Variants in HIPK2 observed in about 807,000 individuals in gnomAD.
The protein encoded by HIPK2 is homeodomain interacting protein kinase 2.
Under a neutral mutation model 113.7 loss-of-function variants are expected in HIPK2, and 27 were observed. That is an observed-to-expected ratio of 0.24 (90% CI 0.17 to 0.33). The LOEUF (loss-of-function observed/expected upper bound fraction) is 0.33. Ranked by LOEUF, HIPK2 falls within the 10% of genes least tolerant of loss-of-function variation. The pLI, the probability that HIPK2 is intolerant of heterozygous loss-of-function variation, is 1.00. For missense variants in HIPK2, 1,257 were observed against 1,588.0 expected (o/e 0.79, Z 3.54); for synonymous variants, 631 against 642.2 (o/e 0.98, Z 0.26).
Position 139,631,809 on chromosome 7 carries a change from G to T in HIPK2, c.1104-84C>A. ...ATATGAATACTATCTTTCAAACCTGGGGTGCCATTACTGACTCCTCCTCTG... is the reference window on the plus strand; with the variant it reads ...ATATGAATACTATCTTTCAAACCTGTGGTGCCATTACTGACTCCTCCTCTG... On this transcript the variant is annotated intron_variant, in intron 2 of 14. Coordinates refer to ENST00000406875, the MANE Select transcript of HIPK2 (RefSeq NM_022740.5). The surrounding 1 kb of genome is among the most constrained non-coding windows in gnomAD (Gnocchi z 4.9). The T allele has an allele frequency of 2.7e-6, 4 of 1,478,042 alleles. No individual in the cohort carries two copies. The highest frequency in any genetic ancestry group is 2.5e-5 in the East Asian group (1 of 40,198). The allele number at this position is 1,478,042 out of a possible 1,614,324, so 91.6% of individuals were successfully genotyped here.
intron 13 of HIPK2, 150 bp from the exon 14 acceptor site, chr7:139,575,438 T>A (rs1357247604): frequency 1.6e-5 from 14 of 895,376 alleles, no homozygotes; most frequent in Middle Eastern, 4.9e-4. Flanking sequence ...CCGGACCCAC[T>A]AGGACTTTGC....
At chr7:139,595,094 G>A (rs1391058770) in intron 12 of HIPK2, among the ~76,000 whole-genome samples, 2 of 152,192 alleles carry the variant, frequency 1.3e-5, no homozygotes, top group Non-Finnish European at 2.9e-5. Flanking sequence ...CAGATGTTGA[G>A]AGTCTGTGTC....
At chr7:139,769,985 G>A (rs3891604) in intron 1 of HIPK2, among the ~76,000 whole-genome samples, 4,419 of 152,256 alleles carry the variant, frequency 0.029, 192 homozygotes, top group African/African-American at 0.1. Context: ...GGAAAAGGCC[G>A]AAAGCACGTG....
intron 2 of HIPK2, among the ~76,000 whole-genome samples, chr7:139,695,776 T>C (rs1173177388): frequency 6.6e-6 from 1 of 151,926 alleles, no homozygotes; most frequent in African/African-American, 2.4e-5. Context: ...GAAGCATGAC[T>C]CAGGGATGAA....
intron 1 of HIPK2, among the ~76,000 whole-genome samples, chr7:139,767,463 G>C (rs1403013167): frequency 6.6e-6 from 1 of 152,182 alleles, no homozygotes; most frequent in Non-Finnish European, 1.5e-5. Flanking sequence ...TCTGTGGGTA[G>C]ACAAGTGGGA....
chr7:139,750,884 G>T (rs1219573346), intron 1 of HIPK2, among the ~76,000 whole-genome samples: 1 of 152,192 alleles, frequency 6.6e-6, no homozygotes, highest in Non-Finnish European at 1.5e-5. Context: ...TTCTCTGACA[G>T]CAAGAATGAC....
intron 13 of HIPK2, among the ~76,000 whole-genome samples, chr7:139,576,680 A>G (rs1798503052): frequency 6.6e-6 from 1 of 152,262 alleles, no homozygotes; most frequent in African/African-American, 2.4e-5. Flanking sequence ...AGGAGGAGGC[A>G]TCACAGATCA....
chr7:139,706,692 G>A (rs1425582301), intron 2 of HIPK2, among the ~76,000 whole-genome samples: 1 of 152,200 alleles, frequency 6.6e-6, no homozygotes, highest in Non-Finnish European at 1.5e-5. Flanking sequence ...GCTCACACGG[G>A]AGGTAGAGAT....
intron 1 of HIPK2, among the ~76,000 whole-genome samples, chr7:139,762,136 A>G (rs958588278): frequency 1.3e-5 from 2 of 152,238 alleles, no homozygotes; most frequent in African/African-American, 2.4e-5. Context: ...AAAATATGCT[A>G]AGTGGCCTGT....
At chr7:139,768,870 G>A (rs1447655911) in intron 1 of HIPK2, among the ~76,000 whole-genome samples, 1 of 152,208 alleles carries the variant, frequency 6.6e-6, no homozygotes, top group Non-Finnish European at 1.5e-5. Context: ...TACAGGGGAA[G>A]GGAGAGGAAG....
At position 139,575,170 on chromosome 7, in the gene HIPK2, C is replaced by T. The variant is rs769818362; in HGVS notation, c.3084G>A (p.Pro1028=). ...SGAITYRQQR[P]GPHFQQQQPL... is the part of the protein sequence containing the mutation. ...GCTGCTGCTGCTGGAAGTGGGGGCCCGGCCGCTGCTGCCGGTAGGTGATGG... is the reference window on the plus strand; with the variant it reads ...GCTGCTGCTGCTGGAAGTGGGGGCCTGGCCGCTGCTGCCGGTAGGTGATGG... The change falls in exon 14 of 15, where the codon CCG becomes CCA. Residue 1028 remains proline, a synonymous_variant. Coordinates refer to ENST00000406875, the MANE Select transcript of HIPK2 (RefSeq NM_022740.5). The T allele has an allele frequency of 7.5e-6, 12 of 1,593,504 alleles. No homozygotes were observed. Among genetic ancestry groups the T allele is most frequent in the South Asian group, 6.9e-5 (6 of 87,528 alleles).
intron 2 of HIPK2, among the ~76,000 whole-genome samples, chr7:139,672,330 G>A (rs577958343): frequency 3.3e-5 from 5 of 152,188 alleles, no homozygotes; most frequent in East Asian, 1.9e-4. Context: ...CTTTCATAGC[G>A]AGGACCAGTC....
intron 2 of HIPK2, among the ~76,000 whole-genome samples, chr7:139,649,066 A>G (rs892602221): frequency 7.7e-6 from 1 of 130,702 alleles, no homozygotes; most frequent in African/African-American, 2.5e-5. Context: ...AAAAGGTCAG[A>G]AAGAGAACAA....
intron 2 of HIPK2, among the ~76,000 whole-genome samples, chr7:139,637,451 A>C (rs1800851196): frequency 6.6e-6 from 1 of 152,206 alleles, no homozygotes; most frequent in Non-Finnish European, 1.5e-5. Context: ...CTTTGGAGCC[A>C]GAGTCTTCGT....
At chr7:139,711,622 T>C (rs1052191519) in intron 2 of HIPK2, among the ~76,000 whole-genome samples, 1 of 152,190 alleles carries the variant, frequency 6.6e-6, no homozygotes, top group African/African-American at 2.4e-5. Flanking sequence ...ACCCTTTGCC[T>C]GAATGGCATG....
chr7:139,740,505 G>A (rs1039933752), intron 1 of HIPK2, among the ~76,000 whole-genome samples: 4 of 152,176 alleles, frequency 2.6e-5, no homozygotes, highest in East Asian at 1.9e-4. Flanking sequence ...TCAAAGCCTC[G>A]GAGGACTTAT....
At chr7:139,726,434 A>G (rs183439764) in intron 1 of HIPK2, among the ~76,000 whole-genome samples, 12 of 152,324 alleles carry the variant, frequency 7.9e-5, no homozygotes, top group Non-Finnish European at 8.8e-5. Flanking sequence ...GGGGTGCCAG[A>G]AGGAGTGGGG....
At position 139,563,783 on chromosome 7, in the gene HIPK2, T is replaced by C. The variant is rs1798014745; in HGVS notation, c.*9144A>G. The C allele has an allele frequency of 7.5e-6, 3 of 398,400 alleles. No individual in the cohort carries two copies. The highest frequency in any genetic ancestry group is 8.8e-5 in the Admixed American group (2 of 22,694). 24.7% of individuals were successfully genotyped at this position (398,400 alleles called of 1,614,324 possible). ...CACAGGGAAAAAGCAAATGTGGTAT[T>C]TTTTTGTATTTTTTAAAAGCTCCCT... On this transcript the variant is annotated 3_prime_UTR_variant, in exon 15 of 15. Coordinates refer to ENST00000406875, the MANE Select transcript of HIPK2 (RefSeq NM_022740.5).
intron 2 of HIPK2, among the ~76,000 whole-genome samples, chr7:139,669,729 A>C (rs142251471): frequency 8.2e-4 from 125 of 151,728 alleles, no homozygotes; most frequent in Middle Eastern, 6.8e-3. Context: ...CACACACACA[A>C]AAACTACAAT....
Sources: gnomAD v4.1 joint callset for allele counts (sites outside exome capture counted in the v4.1 genomes callset) on GRCh38, gnomAD v4.1.1 for gene constraint, Gnocchi (gnomAD v3.1) non-coding constraint, MANE v1.5 for transcripts, NCBI Gene and HGNC (gene_info 2026-07-23, HGNC 2026-07-21) for gene names.